GRIK3: variants seen among roughly 807,000 people sequenced by gnomAD.
The protein encoded by GRIK3 is glutamate ionotropic receptor kainate type subunit 3.
In GRIK3, 29 loss-of-function variants were observed where a neutral mutation model predicts 102.5. The ratio of observed to expected loss-of-function variants is 0.28; its 90% confidence interval spans 0.21 to 0.39. The LOEUF (loss-of-function observed/expected upper bound fraction) is 0.39. Ranked by LOEUF, GRIK3 falls within the 10% of genes least tolerant of loss-of-function variation. The pLI is 1.00. For synonymous variants in GRIK3, 511 were observed against 504.9 expected (o/e 1.01, Z -0.16); for missense variants, 908 against 1,252.4 (o/e 0.73, Z 4.15).
intron 1 of GRIK3, among the ~76,000 whole-genome samples, chr1:36,993,596 C>T (rs555226902): frequency 2.7e-4 from 41 of 152,350 alleles, no homozygotes; most frequent in Admixed American, 7.8e-4. Context: ...TGCATCCTCA[C>T]GGTGAAGTGA....
chr1:37,002,625 T>G (rs898911197), intron 1 of GRIK3, among the ~76,000 whole-genome samples: 1 of 152,130 alleles, frequency 6.6e-6, no homozygotes, highest in Non-Finnish European at 1.5e-5. Context: ...TTATGAAATC[T>G]GCTAGCCACT....
In GRIK3 at chr1:37,002,678, T is replaced by C. The variant is rs577159412; in HGVS notation, c.115+31316A>G. Among the ~76,000 whole-genome samples, 808 of 151,450 alleles carry C rather than the reference T, an allele frequency of 5.3e-3. 8 individuals carry two copies. Among genetic ancestry groups the C allele is most frequent in the Non-Finnish European group, 9.3e-3 (633 of 67,784 alleles). The stretch of plus-strand genomic sequence containing the variant: ...ATTTATTTTCTTTCTTTCTTTTTTT[T>C]TTTTTTTTTTGAGATTTTGAGCCAG... On this transcript the variant is annotated intron_variant, in intron 1 of 15. Transcript: ENST00000373091.
intron 1 of GRIK3, among the ~76,000 whole-genome samples, chr1:36,962,626 G>C (rs12143722): frequency 0.11 from 15,806 of 147,480 alleles, 985 homozygotes; most frequent in African/African-American, 0.18. Flanking sequence ...AGGAAAGTGA[G>C]AGAGAGGGAG....
intron 1 of GRIK3, among the ~76,000 whole-genome samples, chr1:37,004,896 G>T (rs1347180919): frequency 1.3e-5 from 2 of 152,338 alleles, no homozygotes; most frequent in East Asian, 3.9e-4. Context: ...GACTTGACCA[G>T]CCCGGCCCAG....
chr1:36,988,108 T>G (rs145647859), intron 1 of GRIK3, among the ~76,000 whole-genome samples: 2 of 152,052 alleles, frequency 1.3e-5, no homozygotes, highest in Admixed American at 1.3e-4. Context: ...CTGGTCAACA[T>G]AGTGAAACCC....
At chr1:36,994,074 G>A (rs1264568752) in intron 1 of GRIK3, among the ~76,000 whole-genome samples, 1 of 152,212 alleles carries the variant, frequency 6.6e-6, no homozygotes, top group Non-Finnish European at 1.5e-5. Flanking sequence ...CCCAGCCCAT[G>A]CATGGACAGT....
intron 1 of GRIK3, among the ~76,000 whole-genome samples, chr1:36,916,561 A>G (rs1216630062): frequency 1.3e-5 from 2 of 152,160 alleles, no homozygotes; most frequent in Non-Finnish European, 2.9e-5. Context: ...CCAGTGCTGC[A>G]TGCAGTCTAG....
At chr1:36,871,915 C>G (rs767041286) in intron 4 of GRIK3, among the ~76,000 whole-genome samples, 1 of 152,160 alleles carries the variant, frequency 6.6e-6, no homozygotes, top group Non-Finnish European at 1.5e-5. Context: ...GATGGAAACT[C>G]GTGTCTACTC....
chr1:36,879,357 G>A (rs1640941374), intron 3 of GRIK3, among the ~76,000 whole-genome samples: 1 of 152,120 alleles, frequency 6.6e-6, no homozygotes, highest in Non-Finnish European at 1.5e-5. Flanking sequence ...AGCCAGGTGT[G>A]GTGCTGCATG....
intron 1 of GRIK3, among the ~76,000 whole-genome samples, chr1:36,981,796 T>G (rs879689220): frequency 5.3e-5 from 8 of 152,180 alleles, no homozygotes; most frequent in African/African-American, 1.2e-4. Flanking sequence ...GCACCTACTG[T>G]GTACCAGGCA....
chr1:37,032,488 G>C (rs562173593), intron 1 of GRIK3, among the ~76,000 whole-genome samples: 1 of 142,826 alleles, frequency 7.0e-6, no homozygotes, highest in African/African-American at 2.9e-5. Flanking sequence ...TCCATTACTG[G>C]GGGGGGAAGG....
chr1:36,872,409 A>G lies in GRIK3; in HGVS notation c.551-40T>C. On this transcript the variant is annotated intron_variant, in intron 3 of 15. Coordinates refer to ENST00000373091, the MANE Select transcript of GRIK3 (RefSeq NM_000831.4). The surrounding 1 kb of genome is among the most constrained non-coding windows in gnomAD (Gnocchi z 5.9). ...AGCACAAAAGACACACGTGTACCAC[A>G]TGTATCCACAGCTCCAGGCATCCAC... 1 of 1,459,392 alleles carries G rather than the reference A, an allele frequency of 6.9e-7. No homozygotes were observed. The highest frequency in any genetic ancestry group is 9.3e-7 in the Non-Finnish European group (1 of 1,072,284). The allele number at this position is 1,459,392 out of a possible 1,614,324, so 90.4% of individuals were successfully genotyped here. A position where few individuals can be genotyped will look rare whatever the true frequency, so the allele number is the denominator to read the frequency against.
rs78757188 is a variant in GRIK3 at position 37,014,279 on chromosome 1, C to T, written c.115+19715G>A. 4.7e-3 allele frequency among the ~76,000 whole-genome samples: 716 copies of T among 152,320 alleles called. 7 individuals carry two copies. Among genetic ancestry groups the T allele is most frequent in the African/African-American group, 0.017 (689 of 41,566 alleles). On this transcript the variant is annotated intron_variant, in intron 1 of 15. Coordinates refer to ENST00000373091, the MANE Select transcript of GRIK3 (RefSeq NM_000831.4). ...TCTTTGATCATCAATCTATATTCAG[C>T]ACCTAGGAATGTGCCTGGCACATAG...
chr1:36,949,535 T>C (rs1255644834), intron 1 of GRIK3, among the ~76,000 whole-genome samples: 1 of 151,816 alleles, frequency 6.6e-6, no homozygotes, highest in Non-Finnish European at 1.5e-5. Context: ...TTTGCATGTC[T>C]TTCTTTTCTT....
chr1:36,882,412 G>A (rs936308116), intron 2 of GRIK3, among the ~76,000 whole-genome samples: 2 of 152,130 alleles, frequency 1.3e-5, no homozygotes, highest in East Asian at 3.9e-4. Context: ...CAAAATGGGG[G>A]ATTCTGCCTA....
intron 1 of GRIK3, among the ~76,000 whole-genome samples, chr1:36,935,140 G>A (rs1045776555): frequency 1.3e-5 from 2 of 152,202 alleles, no homozygotes; most frequent in African/African-American, 2.4e-5. Flanking sequence ...CCATTTGTAA[G>A]TTTCATGACA....
At chr1:36,971,575 GC>G (rs1340340712) in intron 1 of GRIK3, among the ~76,000 whole-genome samples, 18 of 152,116 alleles carry the variant, frequency 1.2e-4, no homozygotes, top group African/African-American at 4.3e-4. Flanking sequence ...TGAGAGATGC[GC>G]AAATTGCTCC....
chr1:36,927,578 C>T (rs1641541010), intron 1 of GRIK3, among the ~76,000 whole-genome samples: 1 of 152,048 alleles, frequency 6.6e-6, no homozygotes, highest in African/African-American at 2.4e-5. Context: ...TCCATGTCGC[C>T]TTATCTTGGC....
intron 1 of GRIK3, among the ~76,000 whole-genome samples, chr1:36,973,551 C>A (rs939923805): frequency 4.0e-5 from 6 of 150,806 alleles, no homozygotes; most frequent in African/African-American, 1.5e-4. Context: ...TCCCTAGTAT[C>A]TGGGACTACA....
Sources: allele counts gnomAD v4.1 joint callset (sites outside exome capture counted in the v4.1 genomes callset), GRCh38; gene constraint gnomAD v4.1.1; non-coding constraint Gnocchi (gnomAD v3.1); transcripts MANE v1.5; gene names NCBI Gene and HGNC (gene_info 2026-07-23, HGNC 2026-07-21).